The following KLHL2 variants were observed in gnomAD, a reference collection of about 807,000 sequenced individuals.
KLHL2 encodes the protein kelch like family member 2, also known as kelch-like protein 2.
KLHL2 carries 15 observed loss-of-function variants against 75.8 expected under a neutral mutation model. That is an observed-to-expected ratio of 0.20 (90% CI 0.13 to 0.30). KLHL2 has a LOEUF of 0.30. Ranked by LOEUF, KLHL2 falls within the 10% of genes least tolerant of loss-of-function variation. KLHL2 has a pLI of 1.00. For missense variants in KLHL2, 381 were observed against 741.0 expected (o/e 0.51, Z 5.64); for synonymous variants, 214 against 251.9 (o/e 0.85, Z 1.42).
At position 165,314,106 on chromosome 4, in the gene KLHL2, G is replaced by A. The variant is rs1014371638; in HGVS notation, c.1549G>A (p.Asp517Asn). ...AGTACGAAAAAGTGTTGAAGTATATGATCCCACCACTAACGCATGGAGACA... is the reference window on the plus strand; with the variant it reads ...AGTACGAAAAAGTGTTGAAGTATATAATCCCACCACTAACGCATGGAGACA... ...PLVRKSVEVY[D>N]PTTNAWRQVA... is the part of the protein sequence containing the mutation. Residue 517 changes from aspartate to asparagine, a missense_variant, in exon 13 of 15, where the codon GAT (aspartate) becomes AAT (asparagine). Asp to Asn is a conservative substitution (Grantham distance 23). Coordinates refer to ENST00000226725, the MANE Select transcript of KLHL2 (RefSeq NM_007246.4). 5.6e-6 allele frequency: 9 copies of A among 1,613,568 alleles called. No homozygotes were observed. The highest frequency in any genetic ancestry group is 7.6e-6 in the Non-Finnish European group (9 of 1,179,664).
chr4:165,310,589 G>A lies in KLHL2; in HGVS notation c.1076G>A (p.Gly359Asp). 1 of 1,613,994 alleles carries A rather than the reference G, an allele frequency of 6.2e-7. No homozygotes were observed. Among genetic ancestry groups the A allele is most frequent in the Non-Finnish European group, 8.5e-7 (1 of 1,179,926 alleles). ...VYMAGLVFAV[G>D]GFNGSLRVRT... The stretch of plus-strand genomic sequence containing the variant: ...ATGGCTGGACTTGTTTTTGCTGTTG[G>A]TGGCTTTAATGGCTCATTAAGAGTT... The change falls in exon 10 of 15, where the codon GGT becomes GAT. Residue 359 changes from glycine to aspartate, a missense_variant. Physicochemically the swap from Gly to Asp is moderately conservative, Grantham distance 94. This residue lies in a region of KLHL2 where 168 missense variants were observed against 370.4 expected (regional missense o/e 0.45). Coordinates refer to ENST00000226725, the MANE Select transcript of KLHL2 (RefSeq NM_007246.4).
At chr4:165,301,580 CT>C (rs1417397977) in intron 8 of KLHL2, among the ~76,000 whole-genome samples, 1 of 152,082 alleles carries the variant, frequency 6.6e-6, no homozygotes, top group Non-Finnish European at 1.5e-5. Context: ...TCTTTTAAGT[CT>C]TCATTAATTC....
At position 165,225,898 on chromosome 4, in the gene KLHL2, G is replaced by A. The variant is rs1243026545; in HGVS notation, c.153-2909G>A. ...TGTGGCTGCATAATATTTTAGCAGT[G>A]TTTTAACCTTATTAGTTAACTAACA... On this transcript the variant is annotated intron_variant, in intron 2 of 14. Coordinates refer to ENST00000226725, the MANE Select transcript of KLHL2 (RefSeq NM_007246.4). Among the ~76,000 whole-genome samples the A allele has an allele frequency of 3.3e-5, 5 of 152,268 alleles. 1 individual carries two copies. The highest frequency in any genetic ancestry group is 4.4e-5 in the Non-Finnish European group (3 of 68,014).
At position 165,263,292 on chromosome 4, in the gene KLHL2, A is replaced by G; in HGVS notation, c.477A>G (p.Leu159=). The G allele has an allele frequency of 1.2e-6, 2 of 1,614,090 alleles. No individual in the cohort carries two copies. Among genetic ancestry groups the G allele is most frequent in the Non-Finnish European group, 1.7e-6 (2 of 1,179,984 alleles). ...LESQLHPVNC[L]GIRAFADMHA... ...CCCAGCTTCACCCTGTCAACTGCTT[A>G]GGAATCCGGGCTTTTGCTGATATGC... Residue 159 remains leucine, a synonymous_variant, in exon 5 of 15, where the codon TTA becomes TTG. Transcript: ENST00000226725.
chr4:165,279,816 T>A, intron 5 of KLHL2: 1 of 684,200 alleles, frequency 1.5e-6, no homozygotes, highest in Non-Finnish European at 2.7e-6. Flanking sequence ...TGCAGCTCAT[T>A]TTCTGTCTTG....
intron 4 of KLHL2, among the ~76,000 whole-genome samples, chr4:165,239,258 TTCTG>T (rs1272624227): frequency 1.3e-5 from 2 of 148,886 alleles, no homozygotes; most frequent in African/African-American, 5.0e-5. Context: ...TATTTTTTAT[TTCTG>T]TCTTTTTTTT....
At chr4:165,260,575 T>TGG (rs200878439) in intron 4 of KLHL2, among the ~76,000 whole-genome samples, 3 of 149,052 alleles carry the variant, frequency 2.0e-5, no homozygotes, top group East Asian at 2.0e-4. Context: ...TATGTGTGTG[T>TGG]GTGGGGGGGG....
chr4:165,286,345 T>C (rs1345497761), intron 5 of KLHL2, among the ~76,000 whole-genome samples: 4 of 152,102 alleles, frequency 2.6e-5, no homozygotes, highest in African/African-American at 9.7e-5. Flanking sequence ...AATTCAAACA[T>C]TGGGGTTTGG....
intron 5 of KLHL2, chr4:165,278,035 C>A: frequency 6.7e-7 from 1 of 1,501,534 alleles, no homozygotes; most frequent in Non-Finnish European, 9.3e-7. Flanking sequence ...CCATGCTACT[C>A]ACTATAAAAA....
intron 6 of KLHL2, 49 bp from the exon 7 acceptor site, chr4:165,297,560 T>G (rs898047483): frequency 2.7e-6 from 3 of 1,093,516 alleles, no homozygotes; most frequent in Non-Finnish European, 4.3e-6. Flanking sequence ...CCAGATGCCT[T>G]GATACACAAC....
intron 7 of KLHL2, among the ~76,000 whole-genome samples, chr4:165,299,255 G>A (rs1239300297): frequency 2.0e-5 from 3 of 152,072 alleles, no homozygotes; most frequent in African/African-American, 7.2e-5. Flanking sequence ...TAACATTGAA[G>A]TTTATCATTT....
chr4:165,304,480 C>T (rs138652641), intron 8 of KLHL2, among the ~76,000 whole-genome samples: 113 of 152,218 alleles, frequency 7.4e-4, no homozygotes, highest in African/African-American at 2.5e-3. Context: ...ATCTATTTTT[C>T]CAATCATTAT....
At chr4:165,253,946 G>A (rs1740951050) in intron 4 of KLHL2, among the ~76,000 whole-genome samples, 2 of 152,120 alleles carry the variant, frequency 1.3e-5, no homozygotes, top group African/African-American at 4.8e-5. Flanking sequence ...GACTAGAGAC[G>A]GGATGGGATC....
At chr4:165,311,409 T>C (rs1198992927) in intron 10 of KLHL2, 55 bp from the exon 11 acceptor site, 2 of 1,254,866 alleles carry the variant, frequency 1.6e-6, no homozygotes, top group Admixed American at 1.9e-5. Flanking sequence ...TCCATATATA[T>C]GAACTATTGA....
rs116956488 is a variant in KLHL2 at position 165,221,811 on chromosome 4, T to C, written c.152+1752T>C. On this transcript the variant is annotated intron_variant, in intron 2 of 14. Transcript: ENST00000226725. Reference sequence around the variant, plus strand: ...CTTATTCTTTGGGAGAATATATAACTGGGATAATCCAGCAAGTCTGAGGGT... The same window carrying C: ...CTTATTCTTTGGGAGAATATATAACCGGGATAATCCAGCAAGTCTGAGGGT... Among the ~76,000 whole-genome samples, 1,474 of 152,316 alleles carry C rather than the reference T, an allele frequency of 9.7e-3. 44 individuals are homozygous for C. The East Asian group carries it at 0.1, about 10-fold the overall frequency.
intron 13 of KLHL2, among the ~76,000 whole-genome samples, chr4:165,317,613 C>T (rs1746680710): frequency 6.6e-6 from 1 of 152,206 alleles, no homozygotes; most frequent in Non-Finnish European, 1.5e-5. Flanking sequence ...GATCTGCCCA[C>T]CTTGGCCTTC....
chr4:165,293,760 C>T (rs574832666), intron 5 of KLHL2, among the ~76,000 whole-genome samples: 2 of 151,378 alleles, frequency 1.3e-5, no homozygotes, highest in South Asian at 4.2e-4. Context: ...TTGTGATCCG[C>T]CCGCCTCTGC....
chr4:165,316,626 C>T (rs1483732478), intron 13 of KLHL2, among the ~76,000 whole-genome samples: 3 of 152,054 alleles, frequency 2.0e-5, no homozygotes, highest in Non-Finnish European at 4.4e-5. Flanking sequence ...CCATTAGACT[C>T]AGCAGTTTTC....
chr4:165,278,290 G>A lies in KLHL2; in HGVS notation c.544+14931G>A, dbSNP rs548069835. 1.6e-4 allele frequency: 164 copies of A among 1,052,902 alleles called. 1 individual carries two copies. In the African/African-American group the frequency reaches 2.2e-3, roughly 14 times the overall value. The allele number at this position is 1,052,902 out of a possible 1,614,324, so 65.2% of individuals were successfully genotyped here. On this transcript the variant is annotated intron_variant, in intron 5 of 14. Coordinates refer to ENST00000226725, the MANE Select transcript of KLHL2 (RefSeq NM_007246.4). The stretch of plus-strand genomic sequence containing the variant: ...TGGCAGCACCCAGTGCAGTGGTTTC[G>A]GGCATCAAGGGCTTCACTACTGGAA...
Sources: gnomAD v4.1 joint callset for allele counts (sites outside exome capture counted in the v4.1 genomes callset) on GRCh38, gnomAD v4.1.1 for gene constraint, gnomAD v4.1.1 regional missense constraint, MANE v1.5 for transcripts, NCBI Gene and HGNC (gene_info 2026-07-23, HGNC 2026-07-21) for gene names.